The following SLCO1A2 variants were observed in gnomAD, a reference collection of about 807,000 sequenced individuals.
The protein encoded by SLCO1A2 is OATP-1.
A neutral mutation model predicts 69.0 loss-of-function variants in SLCO1A2; 67 were observed. That is an observed-to-expected ratio of 0.97 (90% CI 0.80 to 1.19). The LOEUF (loss-of-function observed/expected upper bound fraction) is 1.19. Among genes scored for constraint, SLCO1A2 ranks in the 50% most tolerant of loss-of-function variants. The pLI, the probability that SLCO1A2 is intolerant of heterozygous loss-of-function variation, is 0.00. For synonymous variants in SLCO1A2, 260 were observed against 265.9 expected (o/e 0.98, Z 0.22); for missense variants, 787 against 793.7 (o/e 0.99, Z 0.10).
intron 12 of SLCO1A2, among the ~76,000 whole-genome samples, chr12:21,277,341 G>C (rs1944051683): frequency 6.6e-6 from 1 of 152,022 alleles, no homozygotes; most frequent in African/African-American, 2.4e-5. Flanking sequence ...GTACTGGCAG[G>C]ATACATCACA....
At chr12:21,398,501 C>T (rs867736214), upstream of SLCO1A2, among the ~76,000 whole-genome samples, 7 of 149,770 alleles carry the variant, frequency 4.7e-5, no homozygotes, top group Non-Finnish European at 8.9e-5. Context: ...TAGAAAAAGA[C>T]GGAATCCTCC....
At chr12:21,313,899 G>A (rs1950527180) in intron 4 of SLCO1A2, among the ~76,000 whole-genome samples, 1 of 149,982 alleles carries the variant, frequency 6.7e-6, no homozygotes, top group African/African-American at 2.5e-5. Flanking sequence ...GGGAGGTGGA[G>A]GTTGCAGTGA....
intron 6 of SLCO1A2, among the ~76,000 whole-genome samples, chr12:21,303,755 A>C (rs984662623): frequency 6.6e-5 from 10 of 152,232 alleles, no homozygotes; most frequent in African/African-American, 2.2e-4. Context: ...TTCAAGAAAC[A>C]TAAACAAAAA....
chr12:21,370,415 G>A (rs1348185245), intron 2 of SLCO1A2, among the ~76,000 whole-genome samples: 1 of 151,224 alleles, frequency 6.6e-6, no homozygotes, highest in East Asian at 2.0e-4. Flanking sequence ...TGCCATGTTG[G>A]TGTGCTGCAC....
At position 21,416,484 on chromosome 12, in the gene SLCO1A2, AT is replaced by A. The variant is rs529355574; in HGVS notation, c.-312+1397del. ...GTATAAACATTATATCATTAGGAGG[AT>A]TTTTTTTTTAACATTGTAATTCCCC... On this transcript the variant is annotated intron_variant, in intron 1 of 4. Transcript: ENST00000413682. Among the ~76,000 whole-genome samples, 1,367 of 149,806 alleles carry A rather than the reference AT, an allele frequency of 9.1e-3. 11 individuals are homozygous for A. Among genetic ancestry groups the A allele is most frequent in the Non-Finnish European group, 0.014 (954 of 67,336 alleles).
At chr12:21,304,048 A>T (rs570861527) in intron 6 of SLCO1A2, among the ~76,000 whole-genome samples, 235 of 152,344 alleles carry the variant, frequency 1.5e-3, no homozygotes, top group African/African-American at 5.3e-3. Flanking sequence ...CTACAGACAA[A>T]GTAATGAGAA....
intron 6 of SLCO1A2, among the ~76,000 whole-genome samples, chr12:21,304,039 T>G (rs1206424392): frequency 6.6e-6 from 1 of 152,054 alleles, no homozygotes; most frequent in Admixed American, 6.6e-5. Flanking sequence ...AAAGAGAAAC[T>G]ACAGACAAAG....
At chr12:21,302,647 C>T (rs1266101405) in intron 6 of SLCO1A2, among the ~76,000 whole-genome samples, 1 of 151,846 alleles carries the variant, frequency 6.6e-6, no homozygotes, top group East Asian at 1.9e-4. Flanking sequence ...TGATCCACCT[C>T]CCGGGTTCAA....
intron 1 of SLCO1A2, among the ~76,000 whole-genome samples, chr12:21,388,606 C>A (rs1002150387): frequency 3.9e-5 from 6 of 152,058 alleles, no homozygotes; most frequent in African/African-American, 1.4e-4. Context: ...TTATAAATTG[C>A]CCAGTCTTGG....
At chr12:21,414,207 T>A (rs1364571097) in intron 1 of SLCO1A2, among the ~76,000 whole-genome samples, 1 of 151,956 alleles carries the variant, frequency 6.6e-6, no homozygotes, top group Non-Finnish European at 1.5e-5. Flanking sequence ...CAGGAGAGAA[T>A]GCAGCCAGAC....
In SLCO1A2 at chr12:21,381,883, T is replaced by C. The variant is rs377713843; in HGVS notation, c.-189-7358A>G. On this transcript the variant is annotated intron_variant, in intron 1 of 15. Coordinates refer to the SLCO1A2 transcript ENST00000307378. ...AATGCTTACACAATGCTAGTGAGAA[T>C]GTAAATTAGTACAACCTCTCTGGAA... is the stretch of plus-strand genomic sequence containing the variant. Among the ~76,000 whole-genome samples, 23 of 152,356 alleles carry C rather than the reference T, an allele frequency of 1.5e-4. 1 individual carries two copies. The South Asian group carries it at 4.3e-3, about 29-fold the overall frequency.
chr12:21,300,598 G>A, intron 7 of SLCO1A2, 29 bp from the exon 8 acceptor site: 1 of 1,488,778 alleles, frequency 6.7e-7, no homozygotes, highest in Non-Finnish European at 9.2e-7. Context: ...ACTGTTATTA[G>A]CTTAAGTCAG....
At chr12:21,403,146 T>G (rs1941761250) in intron 1 of SLCO1A2, among the ~76,000 whole-genome samples, 1 of 152,174 alleles carries the variant, frequency 6.6e-6, no homozygotes, top group Non-Finnish European at 1.5e-5. Context: ...AATGTACTTC[T>G]AACGCTCCAA....
intron 9 of SLCO1A2, among the ~76,000 whole-genome samples, chr12:21,296,956 T>C (rs1947811007): frequency 6.6e-6 from 1 of 152,170 alleles, no homozygotes. Context: ...AAAAGCCGAA[T>C]GTGTGTGGCT....
intron 1 of SLCO1A2, among the ~76,000 whole-genome samples, chr12:21,407,216 G>A (rs539750332): frequency 7.2e-5 from 11 of 152,270 alleles, no homozygotes; most frequent in South Asian, 2.1e-4. Context: ...GAAAAAATAC[G>A]TGAATATCTA....
chr12:21,297,893 C>A (rs1027211190), intron 8 of SLCO1A2, among the ~76,000 whole-genome samples: 6 of 152,216 alleles, frequency 3.9e-5, no homozygotes, highest in Middle Eastern at 3.4e-3. Context: ...TTATTACTAA[C>A]CTTTTGTTCT....
At chr12:21,280,435 A>C (rs1392943566) in intron 12 of SLCO1A2, among the ~76,000 whole-genome samples, 2 of 152,142 alleles carry the variant, frequency 1.3e-5, no homozygotes, top group Admixed American at 1.3e-4. Flanking sequence ...AGCATTACTT[A>C]TATCAGACAA....
At chr12:21,270,070 T>C (rs980741987) in intron 14 of SLCO1A2, among the ~76,000 whole-genome samples, 6 of 151,850 alleles carry the variant, frequency 4.0e-5, no homozygotes, top group Non-Finnish European at 2.9e-5. Context: ...AAATGAATAC[T>C]GGTAGTGATA....
rs1949107428 is a variant in SLCO1A2, at chr12:21,304,496, G to C, written c.520C>G (p.Pro174Ala). ...GNIVRGMGET[P>A]ILPLGISYIE... ...TAGGAAATACCCAAAGGCAGGATGG[G>C]AGTTTCACCCATTCCACGTACAATA... The change falls in exon 6 of 15, where the codon CCC becomes GCC. Residue 174 changes from proline (P) to alanine (A), a missense_variant. Coordinates refer to ENST00000683939, the MANE Select transcript of SLCO1A2 (RefSeq NM_001386879.1). The C allele has an allele frequency of 6.2e-7, 1 of 1,612,656 alleles. No homozygotes were observed. Among genetic ancestry groups the C allele is most frequent in the African/African-American group, 1.3e-5 (1 of 74,842 alleles).
Sources: gnomAD v4.1 joint callset for allele counts (sites outside exome capture counted in the v4.1 genomes callset) on GRCh38, gnomAD v4.1.1 for gene constraint, MANE v1.5 for transcripts, NCBI Gene and HGNC (gene_info 2026-07-23, HGNC 2026-07-21) for gene names.